Variants in RDH10 observed in about 807,000 individuals in gnomAD.
RDH10 encodes the protein retinol dehydrogenase 10 (all-trans).
A neutral mutation model predicts 30.2 loss-of-function variants in RDH10; 12 were observed. The ratio of observed to expected loss-of-function variants is 0.40; its 90% CI spans 0.25 to 0.64. The LOEUF (loss-of-function observed/expected upper bound fraction) is 0.64. Among genes scored for constraint, RDH10 ranks in the 30% least tolerant of loss-of-function variants. The pLI is 0.43. For missense variants in RDH10, 268 were observed against 445.2 expected, an observed-to-expected ratio of 0.60 and a Z score of 3.58; for synonymous variants, 189 against 172.2, an observed-to-expected ratio of 1.10 and a Z score of -0.76.
At chr8:73,302,928 G>A (rs2130360734) in intron 2 of RDH10, among the ~76,000 whole-genome samples, 1 of 152,238 alleles carries the variant, frequency 6.6e-6, no homozygotes, top group African/African-American at 2.4e-5. Context: ...AACCAAAAGG[G>A]GGAAGCAAAA....
chr8:73,312,696 C>CT (rs1814587887), intron 2 of RDH10: 2 of 152,132 alleles, frequency 1.3e-5, no homozygotes, highest in South Asian at 4.1e-4. Context: ...TGATGGTGTT[C>CT]TTTTTTATTC....
intron 2 of RDH10, among the ~76,000 whole-genome samples, chr8:73,302,075 C>G (rs10110749): frequency 0.4 from 61,576 of 152,050 alleles, 13,391 homozygotes; most frequent in South Asian, 0.59. Context: ...CTTTCCTTCC[C>G]TCTTAACCAT....
chr8:73,308,450 A>G (rs1164485635), intron 2 of RDH10, among the ~76,000 whole-genome samples: 1 of 152,224 alleles, frequency 6.6e-6, no homozygotes, highest in Non-Finnish European at 1.5e-5. Flanking sequence ...CAGGCTTACC[A>G]TAGTATAAAA....
chr8:73,299,658 C>T (rs1006998785), intron 2 of RDH10, among the ~76,000 whole-genome samples: 1 of 152,252 alleles, frequency 6.6e-6, no homozygotes, highest in Non-Finnish European at 1.5e-5. Flanking sequence ...CTTTTACCTA[C>T]ACCAGGTATT....
chr8:73,303,055 TG>T (rs1204306543), intron 2 of RDH10, among the ~76,000 whole-genome samples: 13 of 151,710 alleles, frequency 8.6e-5, no homozygotes, highest in African/African-American at 2.9e-4. Flanking sequence ...ACAAGATAAT[TG>T]GTAGTTAATT....
chr8:73,296,218 T>G (rs1036915476), intron 1 of RDH10, among the ~76,000 whole-genome samples: 2 of 152,156 alleles, frequency 1.3e-5, no homozygotes, highest in Non-Finnish European at 2.9e-5. Context: ...TTCTGAATAC[T>G]TATTAACTAA....
At chr8:73,315,808 G>C (rs1227653478) in intron 2 of RDH10, among the ~76,000 whole-genome samples, 2 of 152,190 alleles carry the variant, frequency 1.3e-5, no homozygotes. Flanking sequence ...TTAATATTGA[G>C]TCCTTATACT....
intron 2 of RDH10, among the ~76,000 whole-genome samples, chr8:73,316,986 T>C (rs1814681288): frequency 6.6e-6 from 1 of 152,074 alleles, no homozygotes; most frequent in Non-Finnish European, 1.5e-5. Flanking sequence ...TGACCTGAGA[T>C]TTGGGTGGGG....
Position 73,295,001 on chromosome 8 carries a change from G to T in RDH10, c.-289G>T. 1 of 380,176 alleles carries T rather than the reference G, an allele frequency of 2.6e-6. No homozygotes were observed. The allele number at this position is 380,176 out of a possible 1,614,324, so 23.6% of individuals were successfully genotyped here. The stretch of plus-strand genomic sequence containing the variant: ...CCACTGCAGCGGAGCCGGCCGGCCG[G>T]GCGCTGCGGGACGGGCGGGCGGCTG... On this transcript the variant is annotated 5_prime_UTR_variant, in exon 1 of 6. Transcript: ENST00000240285.
At position 73,295,231 on chromosome 8, in the gene RDH10, C is replaced by T; in HGVS notation, c.-59C>T. 1 of 1,443,756 alleles carries T rather than the reference C, an allele frequency of 6.9e-7. No homozygotes were observed. Among genetic ancestry groups the T allele is most frequent in the Non-Finnish European group, 9.1e-7 (1 of 1,096,430 alleles). 89.4% of individuals were successfully genotyped at this position (1,443,756 alleles called of 1,614,324 possible). On this transcript the variant is annotated 5_prime_UTR_variant, in exon 1 of 6. Coordinates refer to ENST00000240285, the MANE Select transcript of RDH10 (RefSeq NM_172037.5). ...GCCCCGGAGCCGGGAGCCCGATTGC[C>T]GGGCTCGGGGTGGGCGCGGACGCAG... is the stretch of plus-strand genomic sequence containing the variant.
In RDH10 at chr8:73,325,250, C is replaced by T. The variant is rs1814850870; in HGVS notation, c.*2214C>T. ...TTGTTATTGCCCTTATAAGGGTGTC[C>T]ATCTCCAAGTTCAATAAACTAATTC... On this transcript the variant is annotated 3_prime_UTR_variant, in exon 6 of 6. Coordinates refer to ENST00000240285, the MANE Select transcript of RDH10 (RefSeq NM_172037.5). The T allele has an allele frequency of 6.6e-6, 1 of 152,136 alleles. No individual in the cohort carries two copies. Among genetic ancestry groups the T allele is most frequent in the Non-Finnish European group, 1.5e-5 (1 of 68,024 alleles). The allele number at this position is 152,136 out of a possible 1,614,324, so 9.4% of individuals were successfully genotyped here. A position where few individuals can be genotyped will look rare whatever the true frequency, so the allele number is the denominator to read the frequency against.
At chr8:73,295,629 C>T (rs1814247934) in intron 1 of RDH10, 51 bp downstream of exon 1, 1 of 1,423,838 alleles carries the variant, frequency 7.0e-7, no homozygotes, top group African/African-American at 1.5e-5. Flanking sequence ...CTTTCCACCC[C>T]GCGCCCTACC....
At chr8:73,307,606 C>T (rs890729679) in intron 2 of RDH10, among the ~76,000 whole-genome samples, 5 of 152,054 alleles carry the variant, frequency 3.3e-5, no homozygotes, top group African/African-American at 9.7e-5. Flanking sequence ...GGAAACAAAC[C>T]CAGAGAGGTG....
Position 73,321,049 on chromosome 8 carries a change from A to G in RDH10, c.742A>G (p.Thr248Ala). The G allele has an allele frequency of 6.2e-7, 1 of 1,614,048 alleles. No individual in the cohort carries two copies. The change falls in exon 4 of 6, where the codon ACT (threonine) becomes GCT (alanine). Residue 248 changes from threonine to alanine, a missense_variant. Thr to Ala is a moderately conservative substitution (Grantham distance 58, BLOSUM62 0). Transcript: ENST00000240285. ...TTLVCPYLVD[T>A]GMFRGCRIRK... is the part of the protein sequence containing the mutation. ...CTTGGTTTGCCCTTATCTTGTAGAC[A>G]CTGGCATGTTCAGAGGCTGCCGAAT... is the stretch of plus-strand genomic sequence containing the variant.
chr8:73,297,399 C>T lies in RDH10; in HGVS notation c.495C>T (p.Thr165=). 1.2e-6 allele frequency: 2 copies of T among 1,612,502 alleles called. No homozygotes were observed. Among genetic ancestry groups the T allele is most frequent in the African/African-American group, 1.3e-5 (1 of 75,014 alleles). ...GTCCTGATGAGCTCATTGAGAGAACCATGATGGTCAATTGCCATGCACACT... is the reference window on the plus strand; with the variant it reads ...GTCCTGATGAGCTCATTGAGAGAACTATGATGGTCAATTGCCATGCACACT... ...LECPDELIER[T]MMVNCHAHFW... is the part of the protein sequence containing the mutation. Residue 165 remains threonine (T), a synonymous_variant, in exon 2 of 6, where the codon ACC becomes ACT. Coordinates refer to ENST00000240285, the MANE Select transcript of RDH10 (RefSeq NM_172037.5).
chr8:73,297,814 G>C (rs1369240530), intron 2 of RDH10: 2 of 222,646 alleles, frequency 9.0e-6, no homozygotes, highest in Admixed American at 1.0e-4. Context: ...TTACTGCTCA[G>C]CCACATTTTG....
chr8:73,322,159 A>C (rs1814783271), intron 4 of RDH10: 1 of 377,760 alleles, frequency 2.6e-6, no homozygotes, highest in Admixed American at 3.2e-5. Context: ...CCAGTGAATC[A>C]AACTGAAGGT....
Position 73,315,547 on chromosome 8 carries a change from T to A in RDH10, c.526-3549T>A, listed in dbSNP as rs146424097. On this transcript the variant is annotated intron_variant, in intron 2 of 5. Coordinates refer to ENST00000240285, the MANE Select transcript of RDH10 (RefSeq NM_172037.5). ...CACTTAAAGAACAGTTAGGAACTTGTTAATCTTCTGTCACCTACCTTGATG... is the reference window on the plus strand; with the variant it reads ...CACTTAAAGAACAGTTAGGAACTTGATAATCTTCTGTCACCTACCTTGATG... 5 of 454,494 alleles carry A rather than the reference T, an allele frequency of 1.1e-5. No individual in the cohort carries two copies. In the Admixed American group the frequency reaches 1.2e-4, roughly 11 times the overall value. 28.2% of individuals were successfully genotyped at this position (454,494 alleles called of 1,614,324 possible). A position where few individuals can be genotyped will look rare whatever the true frequency, so the allele number is the denominator to read the frequency against.
At chr8:73,300,359 A>G (rs1814353931) in intron 2 of RDH10, 1 of 152,230 alleles carries the variant, frequency 6.6e-6, no homozygotes, top group Non-Finnish European at 1.5e-5. Flanking sequence ...CTTCCCTTCC[A>G]GTAGTCCTCT....
Sources: gnomAD v4.1 joint callset for allele counts (sites outside exome capture counted in the v4.1 genomes callset) on GRCh38, gnomAD v4.1.1 for gene constraint, MANE v1.5 for transcripts, NCBI Gene and HGNC (gene_info 2026-07-23, HGNC 2026-07-21) for gene names.